PAK1: variants seen among roughly 807,000 people sequenced by gnomAD.
PAK1 encodes p21 (RAC1) activated kinase 1.
In PAK1, 29 loss-of-function variants were observed where a neutral mutation model predicts 67.4. The observed-to-expected ratio is 0.43, with a 90% CI of 0.32 to 0.59. The LOEUF is 0.59. Among genes scored for constraint, PAK1 ranks in the 20% least tolerant of loss-of-function variants. The pLI is 0.07. For synonymous variants in PAK1, 223 were observed against 237.4 expected (o/e 0.94, Z 0.56); for missense variants, 337 against 670.7 (o/e 0.50, Z 5.50).
intron 5 of PAK1, among the ~76,000 whole-genome samples, chr11:77,363,807 G>C (rs1300484915): frequency 6.6e-6 from 1 of 152,198 alleles, no homozygotes; most frequent in Non-Finnish European, 1.5e-5. Context: ...ATCCAACAAA[G>C]GTCAACAAAA....
chr11:77,410,216 T>C (rs1312859694), intron 1 of PAK1, among the ~76,000 whole-genome samples: 2 of 152,176 alleles, frequency 1.3e-5, no homozygotes, highest in East Asian at 3.9e-4. Flanking sequence ...TAAAGGGAAC[T>C]TGAGCCTCTG....
intron 1 of PAK1, among the ~76,000 whole-genome samples, chr11:77,402,883 C>T (rs1283084760): frequency 6.6e-6 from 1 of 152,152 alleles, no homozygotes; most frequent in Non-Finnish European, 1.5e-5. Context: ...CTTCAGTCAC[C>T]CATGATCACT....
At chr11:77,377,619 A>G (rs1949271191) in intron 4 of PAK1, among the ~76,000 whole-genome samples, 1 of 152,024 alleles carries the variant, frequency 6.6e-6, no homozygotes, top group African/African-American at 2.4e-5. Context: ...ATCTTTGTTC[A>G]TGAATACTTA....
the PAK1 span, among the ~76,000 whole-genome samples, chr11:77,504,788 G>A: frequency 3.1e-4 from 47 of 152,284 alleles, no homozygotes; most frequent in Middle Eastern, 3.4e-3. Context: ...TTGCATATAC[G>A]TGCATTGAGC....
chr11:77,417,047 T>C (rs1024492471), intron 1 of PAK1, among the ~76,000 whole-genome samples: 1 of 152,140 alleles, frequency 6.6e-6, no homozygotes, highest in Non-Finnish European at 1.5e-5. Flanking sequence ...ACATGAGTAA[T>C]GTGTTGCATT....
At chr11:77,416,638 C>T (rs1157728201) in intron 1 of PAK1, among the ~76,000 whole-genome samples, 4 of 152,106 alleles carry the variant, frequency 2.6e-5, no homozygotes, top group Non-Finnish European at 5.9e-5. Flanking sequence ...AGTCATTTAT[C>T]ATCATTATCA....
chr11:77,346,012 G>C (rs1159477013), intron 9 of PAK1, among the ~76,000 whole-genome samples: 1 of 152,160 alleles, frequency 6.6e-6, no homozygotes, highest in Admixed American at 6.5e-5. Flanking sequence ...GTCTTGCTCT[G>C]TTGCCCAGGC....
At chr11:77,389,541 T>A (rs1460928618) in intron 2 of PAK1, among the ~76,000 whole-genome samples, 1 of 152,216 alleles carries the variant, frequency 6.6e-6, no homozygotes, top group Non-Finnish European at 1.5e-5. Flanking sequence ...TCTTTTTTAT[T>A]ATAGCCATCC....
chr11:77,331,937 G>A (rs1941633428), intron 14 of PAK1, among the ~76,000 whole-genome samples: 1 of 152,026 alleles, frequency 6.6e-6, no homozygotes, highest in African/African-American at 2.4e-5. Flanking sequence ...GGGTGTCAGA[G>A]ACCCGTTTCT....
At chr11:77,352,624 A>T (rs1257203845) in intron 8 of PAK1, among the ~76,000 whole-genome samples, 2 of 152,198 alleles carry the variant, frequency 1.3e-5, no homozygotes, top group Non-Finnish European at 2.9e-5. Flanking sequence ...TGACTCACCT[A>T]GAGCAACTTC....
intron 1 of PAK1, among the ~76,000 whole-genome samples, chr11:77,433,390 G>A (rs1337930841): frequency 6.6e-6 from 1 of 152,086 alleles, no homozygotes; most frequent in Non-Finnish European, 1.5e-5. Flanking sequence ...CATCAAGAAA[G>A]CAAAAAGACA....
At chr11:77,529,445 C>G in the PAK1 span, among the ~76,000 whole-genome samples, 1 of 152,216 alleles carries the variant, frequency 6.6e-6, no homozygotes, top group Non-Finnish European at 1.5e-5. Context: ...TCCTTTTAAA[C>G]TTCATGCCCA....
Position 77,376,941 on chromosome 11 carries a change from G to A in PAK1, c.439+2300C>T, listed in dbSNP as rs576849954. Among the ~76,000 whole-genome samples, 9 of 152,150 alleles carry A rather than the reference G, an allele frequency of 5.9e-5. No individual in the cohort carries two copies. The South Asian group carries it at 1.7e-3, about 28-fold the overall frequency. ...ATTAATTTCTTTGAGTATATAAAAT[G>A]AGCATAATAGTCCTTGCCCTGCCAA... On this transcript the variant is annotated intron_variant, in intron 4 of 14. Transcript: ENST00000356341.
intron 7 of PAK1, among the ~76,000 whole-genome samples, chr11:77,355,081 C>T (rs1945821948): frequency 6.6e-6 from 1 of 152,156 alleles, no homozygotes; most frequent in African/African-American, 2.4e-5. Context: ...TGATTTTGGG[C>T]AGGATATTTA....
At chr11:77,391,114 G>C (rs1951085780) in intron 2 of PAK1, among the ~76,000 whole-genome samples, 1 of 152,150 alleles carries the variant, frequency 6.6e-6, no homozygotes, top group Admixed American at 6.6e-5. Context: ...TCCGTAGTTA[G>C]GCAATTATAT....
At chr11:77,353,476 A>G (rs1250555712) in intron 8 of PAK1, 60 bp downstream of exon 8, 4 of 1,246,760 alleles carry the variant, frequency 3.2e-6, no homozygotes, top group East Asian at 4.6e-5. Flanking sequence ...GCAAAATCAT[A>G]TATGCCGGCA....
At chr11:77,406,278 C>T (rs933386807) in intron 1 of PAK1, among the ~76,000 whole-genome samples, 3 of 152,208 alleles carry the variant, frequency 2.0e-5, no homozygotes, top group Non-Finnish European at 2.9e-5. Context: ...ACTCCACCTG[C>T]GTTTCTCATC....
intron 1 of PAK1, among the ~76,000 whole-genome samples, chr11:77,397,788 G>A (rs748221525): frequency 1.1e-4 from 17 of 152,150 alleles, no homozygotes; most frequent in Non-Finnish European, 2.1e-4. Context: ...AAAGCCAAAG[G>A]CTTCTTTGGA....
chr11:77,446,143 T>G (rs3015982), intron 1 of PAK1, among the ~76,000 whole-genome samples: 36,787 of 152,086 alleles, frequency 0.24, 5,062 homozygotes, highest in Non-Finnish European at 0.31. Flanking sequence ...AAATATAATA[T>G]TTGTTGTTCA....
Sources: gnomAD v4.1 joint callset for allele counts (sites outside exome capture counted in the v4.1 genomes callset) on GRCh38, gnomAD v4.1.1 for gene constraint, MANE v1.5 for transcripts, NCBI Gene and HGNC (gene_info 2026-07-23, HGNC 2026-07-21) for gene names.